Variants in FAM221B observed in about 807,000 individuals in gnomAD.
FAM221B encodes family with sequence similarity 221 member B.
FAM221B carries 35 observed loss-of-function variants against 39.8 expected under a neutral mutation model. The observed-to-expected ratio is 0.88, with a 90% CI of 0.67 to 1.17. The LOEUF (loss-of-function observed/expected upper bound fraction) is 1.17. FAM221B is among the 50% of genes most tolerant of loss of function. FAM221B has a pLI of 0.00. For missense variants in FAM221B, 479 were observed against 503.1 expected (o/e 0.95, Z 0.46); for synonymous variants, 158 against 178.1 (o/e 0.89, Z 0.90).
chr9:35,828,435 G>T lies in FAM221B; in HGVS notation c.-1+28C>A, dbSNP rs1829524836. 3.1e-5 allele frequency: 30 copies of T among 964,278 alleles called. No homozygotes were observed. The highest frequency in any genetic ancestry group is 3.7e-5 in the Non-Finnish European group (30 of 810,776). 59.7% of individuals were successfully genotyped at this position (964,278 alleles called of 1,614,324 possible). On this transcript the variant is annotated intron_variant, in intron 1 of 6. Coordinates refer to ENST00000423537, the MANE Select transcript of FAM221B (RefSeq NM_001012446.4). This position sits in a 1 kb window ranked among gnomAD's most constrained non-coding sequence, Gnocchi z 4.5. ...AAGACAGATGTCTTTGAGGGAAGAG[G>T]GCAAGGGCCGTTGGAGAAACCACCT... is the stretch of plus-strand genomic sequence containing the variant.
chr9:35,823,882 C>CT (rs2132147296), intron 3 of FAM221B, among the ~76,000 whole-genome samples: 1 of 152,276 alleles, frequency 6.6e-6, no homozygotes, highest in African/African-American at 2.4e-5. Flanking sequence ...TCCTCACTGT[C>CT]TAACTCCTGG....
intron 5 of FAM221B, 30 bp from the exon 6 acceptor site, chr9:35,819,039 T>G (rs979429442): frequency 6.4e-7 from 1 of 1,551,396 alleles, no homozygotes; most frequent in African/African-American, 1.4e-5. Flanking sequence ...AAGAAGAGTT[T>G]AGGAAATGGT....
rs1259419099 is a variant in FAM221B, at chr9:35,818,404, C to T, written c.*65G>A. ...CAGTCTCTCCCTGGGCTGGGATCTA[C>T]CTGCCCCATATAGAGCCAAGTCAGG... is the stretch of plus-strand genomic sequence containing the variant. On this transcript the variant is annotated 3_prime_UTR_variant, in exon 7 of 7. Coordinates refer to ENST00000423537, the MANE Select transcript of FAM221B (RefSeq NM_001012446.4). The T allele has an allele frequency of 1.4e-6, 2 of 1,454,034 alleles. No individual in the cohort carries two copies. The highest frequency in any genetic ancestry group is 2.0e-5 in the Admixed American group (1 of 50,872). 90.1% of individuals were successfully genotyped at this position (1,454,034 alleles called of 1,614,324 possible).
At position 35,818,973 on chromosome 9, in the gene FAM221B, C is replaced by G; in HGVS notation, c.1088G>C (p.Cys363Ser). 2 of 1,551,706 alleles carry G rather than the reference C, an allele frequency of 1.3e-6. No individual in the cohort carries two copies. Among genetic ancestry groups the G allele is most frequent in the Non-Finnish European group, 1.7e-6 (2 of 1,147,004 alleles). Residue 363 changes from cysteine (C) to serine (S), a missense_variant, in exon 6 of 7, where the codon TGT (cysteine) becomes TCT (serine). By Grantham distance (112) the Cys-to-Ser change is moderately radical. Coordinates refer to ENST00000423537, the MANE Select transcript of FAM221B (RefSeq NM_001012446.4). ...CTCCCAGCGCCGGTCACAGGCCGCA[C>G]AGAGGAAATTAGACTCAAAACAGCC... ...CCGCFESNFL[C>S]AACDRRWEEH...
At chr9:35,821,388 A>G (rs373320837) in intron 3 of FAM221B, 2 of 1,313,104 alleles carry the variant, frequency 1.5e-6, no homozygotes, top group Non-Finnish European at 2.1e-6. Context: ...GACTGTGGTC[A>G]GGGCCACAAT....
rs1829317056 is a variant in FAM221B at position 35,825,458 on chromosome 9, TCTC to T, written c.599-88_599-86del. 1 of 1,593,194 alleles carries T rather than the reference TCTC, an allele frequency of 6.3e-7. No homozygotes were observed. The highest frequency in any genetic ancestry group is 8.6e-7 in the Non-Finnish European group (1 of 1,166,320). Reference sequence around the variant, plus strand: ...GGGGCCATGTCCAAGAGTAACCCAGTCTCCTCCTCCTGGGGCAAGTCAAGGACA... The same window carrying T: ...GGGGCCATGTCCAAGAGTAACCCAGTCTCCTCCTGGGGCAAGTCAAGGACA... On this transcript the variant is annotated intron_variant, in intron 2 of 6. Transcript: ENST00000423537. This position sits in a 1 kb window ranked among gnomAD's most constrained non-coding sequence, Gnocchi z 4.2.
intron 4 of FAM221B, among the ~76,000 whole-genome samples, chr9:35,819,615 C>T (rs1005030112): frequency 6.6e-6 from 1 of 152,098 alleles, no homozygotes; most frequent in Non-Finnish European, 1.5e-5. Context: ...GCCTCAGCCT[C>T]CTGAGTAGCT....
chr9:35,818,130 A>C lies in FAM221B; in HGVS notation c.*339T>G. ...CTCCACTGCACCAGTGTGAAACTGC[A>C]CTCTCCGATGTTCCCAAAGATCTTC... On this transcript the variant is annotated 3_prime_UTR_variant, in exon 7 of 7. Coordinates refer to ENST00000423537, the MANE Select transcript of FAM221B (RefSeq NM_001012446.4). The C allele has an allele frequency of 3.2e-6, 1 of 309,766 alleles. No homozygotes were observed. Among genetic ancestry groups the C allele is most frequent in the South Asian group, 4.0e-5 (1 of 25,118 alleles). 19.2% of individuals were successfully genotyped at this position (309,766 alleles called of 1,614,324 possible).
intron 3 of FAM221B, among the ~76,000 whole-genome samples, chr9:35,824,625 G>A (rs982866612): frequency 2.6e-5 from 4 of 151,982 alleles, no homozygotes; most frequent in Admixed American, 6.6e-5. Context: ...TAGGCTCTCT[G>A]GGCCCTATAT....
rs2132133837 is a variant in FAM221B at position 35,818,281 on chromosome 9, T to A, written c.*188A>T. ...CTTCTTGACTTCCTTGAAGCCACTT[T>A]CCTTCAACAGGCAGCTTGAATGTGA... On this transcript the variant is annotated 3_prime_UTR_variant, in exon 7 of 7. Transcript: ENST00000423537. The A allele has an allele frequency of 1.7e-6, 1 of 604,504 alleles. No homozygotes were observed. Among genetic ancestry groups the A allele is most frequent in the East Asian group, 2.8e-5 (1 of 35,778 alleles). 37.4% of individuals were successfully genotyped at this position (604,504 alleles called of 1,614,324 possible). A position where few individuals can be genotyped will look rare whatever the true frequency, so the allele number is the denominator to read the frequency against.
rs771891078 is a variant in FAM221B, at chr9:35,825,979, G to A, written c.183C>T (p.Ser61=). ...PHTSESPLVP[S]PSQIPLEAHS... is the part of the protein sequence containing the mutation. Reference sequence around the variant, plus strand: ...GGGCCTCTAAGGGGATCTGGGAAGGGGATGGCACCAAAGGGGATTCAGAGG... The same window carrying A: ...GGGCCTCTAAGGGGATCTGGGAAGGAGATGGCACCAAAGGGGATTCAGAGG... The change falls in exon 2 of 7, where the codon TCC becomes TCT. Residue 61 remains serine (S), a synonymous_variant. Coordinates refer to ENST00000423537, the MANE Select transcript of FAM221B (RefSeq NM_001012446.4). This position sits in a 1 kb window ranked among gnomAD's most constrained non-coding sequence, Gnocchi z 4.2. 1 of 1,614,104 alleles carries A rather than the reference G, an allele frequency of 6.2e-7. No homozygotes were observed. The highest frequency in any genetic ancestry group is 8.5e-7 in the Non-Finnish European group (1 of 1,180,022).
At position 35,819,340 on chromosome 9, in the gene FAM221B, A is replaced by T. The variant is rs1341416962; in HGVS notation, c.908T>A (p.Ile303Asn). Reference sequence around the variant, plus strand: ...ACCCACCTCCTCTGGGCGTGATGGGATAAAGCAGAACATGAAGCAGCGGCA... The same window carrying T: ...ACCCACCTCCTCTGGGCGTGATGGGTTAAAGCAGAACATGAAGCAGCGGCA... ...SQCRCFMFCF[I>N]PSRPEEVGEF... Residue 303 changes from isoleucine (I) to asparagine (N), a missense_variant, in exon 5 of 7, where the codon ATC (isoleucine) becomes AAC (asparagine). Physicochemically the swap from Ile to Asn is moderately radical, Grantham distance 149. Coordinates refer to ENST00000423537, the MANE Select transcript of FAM221B (RefSeq NM_001012446.4). 2 of 1,551,716 alleles carry T rather than the reference A, an allele frequency of 1.3e-6. No homozygotes were observed. The highest frequency in any genetic ancestry group is 2.4e-5 in the East Asian group (1 of 40,918).
Position 35,825,570 on chromosome 9 carries a change from G to T in FAM221B, c.592C>A (p.Gln198Lys). 6.2e-7 allele frequency: 1 copy of T among 1,609,862 alleles called. No individual in the cohort carries two copies. Among genetic ancestry groups the T allele is most frequent in the South Asian group, 1.1e-5 (1 of 90,472 alleles). ...STAHTAQPGH[Q>K]LGNTARPVFP... Reference sequence around the variant, plus strand: ...TTCTTCTTCTTCTTCTTGCCTAGTTGGTGTCCAGGTTGGGCTGTGTGAGCA... The same window carrying T: ...TTCTTCTTCTTCTTCTTGCCTAGTTTGTGTCCAGGTTGGGCTGTGTGAGCA... The change falls in exon 2 of 7, where the codon CAA (glutamine) becomes AAA (lysine). Residue 198 changes from glutamine to lysine, a missense_variant. Transcript: ENST00000423537. This position sits in a 1 kb window ranked among gnomAD's most constrained non-coding sequence, Gnocchi z 4.2.
At chr9:35,821,038 T>G (rs1588090796) in intron 3 of FAM221B, among the ~76,000 whole-genome samples, 1 of 152,200 alleles carries the variant, frequency 6.6e-6, no homozygotes, top group Non-Finnish European at 1.5e-5. Flanking sequence ...TCAACTGAAA[T>G]GTCACCTCCA....
intron 3 of FAM221B, among the ~76,000 whole-genome samples, chr9:35,823,047 T>TA (rs530686459): frequency 3.3e-4 from 50 of 152,362 alleles, no homozygotes; most frequent in African/African-American, 1.1e-3. Flanking sequence ...GCATCAGGCA[T>TA]AGTGCATTGC....
At chr9:35,819,837 C>G in intron 4 of FAM221B, 53 bp downstream of exon 4, 1 of 1,120,682 alleles carries the variant, frequency 8.9e-7, no homozygotes, top group South Asian at 1.3e-5. Flanking sequence ...CAAGACATGA[C>G]AGAGTACAGT....
At chr9:35,823,197 T>G (rs915138399) in intron 3 of FAM221B, among the ~76,000 whole-genome samples, 2 of 152,260 alleles carry the variant, frequency 1.3e-5, no homozygotes, top group African/African-American at 4.8e-5. Context: ...GCACTCCAGA[T>G]AAGATGCCCC....
chr9:35,820,642 C>T (rs940663294), intron 3 of FAM221B, among the ~76,000 whole-genome samples: 1 of 152,066 alleles, frequency 6.6e-6, no homozygotes, highest in Non-Finnish European at 1.5e-5. Flanking sequence ...AGAAGGGCTG[C>T]CAAAGGTTCT....
At chr9:35,826,596 G>A (rs1041081605) in intron 1 of FAM221B, among the ~76,000 whole-genome samples, 9 of 152,188 alleles carry the variant, frequency 5.9e-5, no homozygotes, top group African/African-American at 2.2e-4. Context: ...TCCTGAGAGT[G>A]CAGGGGAATG....
Sources: gnomAD v4.1 joint callset for allele counts (sites outside exome capture counted in the v4.1 genomes callset) on GRCh38, gnomAD v4.1.1 for gene constraint, Gnocchi (gnomAD v3.1) non-coding constraint, MANE v1.5 for transcripts, NCBI Gene and HGNC (gene_info 2026-07-23, HGNC 2026-07-21) for gene names.